Variants in CSMD1 observed in about 807,000 individuals in gnomAD.
CSMD1 encodes the protein CUB and sushi domain-containing protein 1.
In CSMD1, 213 loss-of-function variants were observed where a neutral mutation model predicts 417.5. The observed-to-expected ratio is 0.51, with a 90% CI of 0.46 to 0.57. CSMD1 has a LOEUF of 0.57. CSMD1 is among the 20% of genes least tolerant of loss of function. The pLI is 0.00. For missense variants in CSMD1, 6,923 were observed against 4,529.7 expected, an observed-to-expected ratio of 1.53 and a Z score of -15.17; for synonymous variants, 2,862 against 1,736.8, an observed-to-expected ratio of 1.65 and a Z score of -16.11.
chr8:4,768,864 G>A (rs891107695), intron 1 of CSMD1, among the ~76,000 whole-genome samples: 1 of 152,298 alleles, frequency 6.6e-6, no homozygotes, highest in African/African-American at 2.4e-5. Context: ...GCTGAGACAT[G>A]ACTTCCACTT....
At chr8:4,653,335 G>A (rs944145709) in intron 1 of CSMD1, among the ~76,000 whole-genome samples, 1 of 152,112 alleles carries the variant, frequency 6.6e-6, no homozygotes, top group Non-Finnish European at 1.5e-5. Flanking sequence ...AGTTTAAGTA[G>A]ACTCAAGTAG....
chr8:4,233,309 G>C (rs761954641), intron 3 of CSMD1, among the ~76,000 whole-genome samples: 2 of 152,138 alleles, frequency 1.3e-5, no homozygotes, highest in Non-Finnish European at 2.9e-5. Flanking sequence ...TCTCAAATTT[G>C]AATGTTAAAA....
At chr8:3,330,591 A>C (rs757825058) in intron 23 of CSMD1, among the ~76,000 whole-genome samples, 1 of 152,156 alleles carries the variant, frequency 6.6e-6, no homozygotes, top group East Asian at 1.9e-4. Flanking sequence ...CCTGGGGCCT[A>C]TTGGAGGGTG....
intron 2 of CSMD1, among the ~76,000 whole-genome samples, chr8:4,636,839 G>A (rs187380034): frequency 3.7e-4 from 57 of 152,194 alleles, no homozygotes; most frequent in Non-Finnish European, 7.2e-4. Context: ...GCATTGAGTG[G>A]GGACTTGGAG....
chr8:3,448,992 T>G (rs1317172698), intron 12 of CSMD1, among the ~76,000 whole-genome samples: 1 of 152,230 alleles, frequency 6.6e-6, no homozygotes, highest in East Asian at 1.9e-4. Flanking sequence ...CAATCACATA[T>G]AAACAGAAAT....
intron 5 of CSMD1, among the ~76,000 whole-genome samples, chr8:3,869,649 G>A (rs138718738): frequency 3.3e-5 from 5 of 152,248 alleles, no homozygotes; most frequent in Middle Eastern, 3.4e-3. Flanking sequence ...GGAAAGTTCT[G>A]CCTTTCTAGT....
chr8:4,391,322 C>T (rs1002870811), intron 3 of CSMD1, among the ~76,000 whole-genome samples: 1 of 152,202 alleles, frequency 6.6e-6, no homozygotes. Flanking sequence ...TGGTGTGTTT[C>T]CTTCTCATCC....
In CSMD1 at chr8:3,205,697, A is replaced by G. The variant is rs1003621204; in HGVS notation, c.4868-77T>C. 17 of 613,714 alleles carry G rather than the reference A, an allele frequency of 2.8e-5. No homozygotes were observed. The African/African-American group carries it at 3.2e-4, about 12-fold the overall frequency. 38.0% of individuals were successfully genotyped at this position (613,714 alleles called of 1,614,324 possible). ...GATAGGTGAGCCAAAGCTGAAACAC[A>G]TCAAACACGTGAGCACGTTTATTGA... On this transcript the variant is annotated intron_variant, in intron 30 of 69. Transcript: ENST00000635120.
chr8:4,818,276 A>G (rs1246016433), intron 1 of CSMD1, among the ~76,000 whole-genome samples: 1 of 152,186 alleles, frequency 6.6e-6, no homozygotes, highest in African/African-American at 2.4e-5. Context: ...GGTCACCCCG[A>G]TTTAGTCTAG....
chr8:3,435,300 G>A (rs1814479380), intron 12 of CSMD1, among the ~76,000 whole-genome samples: 1 of 151,974 alleles, frequency 6.6e-6, no homozygotes, highest in Admixed American at 6.6e-5. Context: ...ATATTTCACT[G>A]GGAAAGATGA....
At chr8:3,521,184 T>G (rs1797493997) in intron 10 of CSMD1, among the ~76,000 whole-genome samples, 1 of 152,160 alleles carries the variant, frequency 6.6e-6, no homozygotes, top group South Asian at 2.1e-4. Flanking sequence ...TTAACTCTAT[T>G]TTTTTCACAC....
At chr8:3,573,479 C>A (rs908175190) in intron 10 of CSMD1, among the ~76,000 whole-genome samples, 1 of 152,134 alleles carries the variant, frequency 6.6e-6, no homozygotes. Context: ...AAAGAGAGCC[C>A]AGAAATTCCT....
At chr8:3,978,309 A>G (rs1018492375) in intron 5 of CSMD1, among the ~76,000 whole-genome samples, 1 of 152,128 alleles carries the variant, frequency 6.6e-6, no homozygotes, top group Non-Finnish European at 1.5e-5. Flanking sequence ...CCACAAAAAC[A>G]ACTGTTCCCA....
chr8:4,242,243 T>A (rs774762796), intron 3 of CSMD1, among the ~76,000 whole-genome samples: 3 of 152,160 alleles, frequency 2.0e-5, no homozygotes, highest in Non-Finnish European at 4.4e-5. Context: ...AATTTGCCAA[T>A]CTTTATAAAC....
chr8:3,516,248 C>G (rs1347241072), intron 10 of CSMD1, among the ~76,000 whole-genome samples: 1 of 152,230 alleles, frequency 6.6e-6, no homozygotes, highest in African/African-American at 2.4e-5. Context: ...AAACCTAAGA[C>G]TCACCAGCTG....
intron 12 of CSMD1, among the ~76,000 whole-genome samples, chr8:3,411,883 CACGTATAT>C (rs1179875021): frequency 0.022 from 2,450 of 110,362 alleles, 459 homozygotes; most frequent in Non-Finnish European, 0.029. Flanking sequence ...CGTATATATA[CACGTATAT>C]ATGCACGTAT....
Position 4,055,759 on chromosome 8 carries a change from G to C in CSMD1, c.416-23660C>G, listed in dbSNP as rs142287398. Among the ~76,000 whole-genome samples the C allele has an allele frequency of 2.1e-3, 316 of 152,140 alleles. 1 individual carries two copies. Among genetic ancestry groups the C allele is most frequent in the African/African-American group, 7.2e-3 (300 of 41,514 alleles). Reference sequence around the variant, plus strand: ...CATCCACAACAGAATGACTTGACTAGATACTGTATAAACAAACAAGACTCT... The same window carrying C: ...CATCCACAACAGAATGACTTGACTACATACTGTATAAACAAACAAGACTCT... On this transcript the variant is annotated intron_variant, in intron 3 of 69. Coordinates refer to ENST00000635120, the MANE Select transcript of CSMD1 (RefSeq NM_033225.6).
chr8:4,885,907 T>C (rs569530060), intron 1 of CSMD1, among the ~76,000 whole-genome samples: 1 of 152,234 alleles, frequency 6.6e-6, no homozygotes, highest in African/African-American at 2.4e-5. Flanking sequence ...CTGACAAAGA[T>C]TTATGCCTGT....
At chr8:3,273,459 G>A (rs1303248480) in intron 26 of CSMD1, among the ~76,000 whole-genome samples, 1 of 149,690 alleles carries the variant, frequency 6.7e-6, no homozygotes, top group Non-Finnish European at 1.5e-5. Flanking sequence ...AATGAGTTAG[G>A]GAGGATTCCC....
Sources: gnomAD v4.1 joint callset for allele counts (sites outside exome capture counted in the v4.1 genomes callset) on GRCh38, gnomAD v4.1.1 for gene constraint, MANE v1.5 for transcripts, NCBI Gene and HGNC (gene_info 2026-07-23, HGNC 2026-07-21) for gene names.